The following CTIF variants were observed in gnomAD, a reference collection of about 807,000 sequenced individuals.
CTIF encodes the protein CBP80/20-dependent translation initiation factor.
A neutral mutation model predicts 66.0 loss-of-function variants in CTIF; 21 were observed. The observed-to-expected ratio is 0.32, with a 90% CI of 0.23 to 0.46. CTIF has a LOEUF of 0.46. CTIF is among the 20% of genes least tolerant of loss of function. CTIF has a pLI of 1.00. For missense variants in CTIF, 739 were observed against 812.7 expected (o/e 0.91, Z 1.10); for synonymous variants, 345 against 326.4 (o/e 1.06, Z -0.62).
intron 10 of CTIF, among the ~76,000 whole-genome samples, chr18:48,839,302 T>C (rs1468058049): frequency 6.6e-6 from 1 of 151,860 alleles, no homozygotes; most frequent in Non-Finnish European, 1.5e-5. Flanking sequence ...CTCACCCCAC[T>C]CTCCTGGCTG....
At chr18:48,607,948 A>T (rs1486594354) in intron 1 of CTIF, among the ~76,000 whole-genome samples, 1 of 152,050 alleles carries the variant, frequency 6.6e-6, no homozygotes, top group Admixed American at 6.6e-5. Context: ...ACTATCATGT[A>T]TTATTTCACA....
intron 9 of CTIF, among the ~76,000 whole-genome samples, chr18:48,765,033 G>C (rs1420125690): frequency 6.6e-6 from 1 of 152,182 alleles, no homozygotes; most frequent in Non-Finnish European, 1.5e-5. Flanking sequence ...AGGAGACAGA[G>C]GTGGAGTGGG....
intron 9 of CTIF, among the ~76,000 whole-genome samples, chr18:48,780,954 G>A (rs932390312): frequency 6.6e-6 from 1 of 152,190 alleles, no homozygotes; most frequent in East Asian, 1.9e-4. Context: ...TAGCTGGCAT[G>A]ATTTTTCCTG....
At chr18:48,685,357 G>T (rs1468092118) in intron 6 of CTIF, among the ~76,000 whole-genome samples, 2 of 151,918 alleles carry the variant, frequency 1.3e-5, no homozygotes, top group Non-Finnish European at 2.9e-5. Flanking sequence ...TGAGTAGCTG[G>T]GATTACAGGC....
chr18:48,857,398 G>A (rs913788522), intron 10 of CTIF, among the ~76,000 whole-genome samples, 190 bp from the exon 11 acceptor site: 38 of 152,194 alleles, frequency 2.5e-4, no homozygotes, highest in African/African-American at 7.7e-4. Flanking sequence ...GAGAAATCAC[G>A]GCCACCCGGC....
chr18:48,679,379 G>A (rs1207514500), intron 6 of CTIF, among the ~76,000 whole-genome samples: 1 of 152,216 alleles, frequency 6.6e-6, no homozygotes, highest in African/African-American at 2.4e-5. Flanking sequence ...GTGGCCTCAT[G>A]AAGTGGTAGT....
At chr18:48,785,757 TG>T (rs1911646440) in intron 9 of CTIF, among the ~76,000 whole-genome samples, 1 of 152,200 alleles carries the variant, frequency 6.6e-6, no homozygotes, top group Non-Finnish European at 1.5e-5. Flanking sequence ...CAAATTTCTA[TG>T]GGGTACCTTG....
At chr18:48,827,532 G>C (rs1461518057) in intron 10 of CTIF, among the ~76,000 whole-genome samples, 2 of 152,132 alleles carry the variant, frequency 1.3e-5, no homozygotes, top group Non-Finnish European at 2.9e-5. Context: ...TGACTGTAAC[G>C]GTCAAACAAA....
intron 3 of CTIF, among the ~76,000 whole-genome samples, chr18:48,654,596 C>G (rs1175655787): frequency 2.0e-5 from 3 of 152,170 alleles, no homozygotes; most frequent in Non-Finnish European, 2.9e-5. Context: ...ACTAGAAATA[C>G]CATTTGACCC....
chr18:48,583,037 C>T (rs541238575), intron 1 of CTIF, among the ~76,000 whole-genome samples: 1 of 152,342 alleles, frequency 6.6e-6, no homozygotes, highest in South Asian at 2.1e-4. Flanking sequence ...CTCTCTGCCC[C>T]ATGTCTGCTG....
intron 10 of CTIF, among the ~76,000 whole-genome samples, chr18:48,821,916 T>C (rs1339335725): frequency 6.6e-6 from 1 of 152,262 alleles, no homozygotes; most frequent in Non-Finnish European, 1.5e-5. Flanking sequence ...CATAATGTTG[T>C]GCAGATCTCC....
chr18:48,667,908 A>G (rs2144961824), intron 5 of CTIF, among the ~76,000 whole-genome samples: 1 of 152,292 alleles, frequency 6.6e-6, no homozygotes, highest in East Asian at 1.9e-4. Context: ...TGTAGTGGGG[A>G]CACACTCCAT....
intron 1 of CTIF, among the ~76,000 whole-genome samples, chr18:48,617,175 C>T (rs2090414999): frequency 1.3e-5 from 2 of 152,126 alleles, no homozygotes; most frequent in Non-Finnish European, 2.9e-5. Flanking sequence ...AGTTGTTGAC[C>T]AGGGATTGCT....
intron 3 of CTIF, among the ~76,000 whole-genome samples, chr18:48,661,558 C>T (rs1244521098): frequency 2.6e-5 from 4 of 152,150 alleles, no homozygotes; most frequent in Non-Finnish European, 4.4e-5. Flanking sequence ...TCTAGCTGAC[C>T]TGGAGTTTCA....
At chr18:48,767,260 AG>A (rs1171923080) in intron 9 of CTIF, among the ~76,000 whole-genome samples, 1 of 152,170 alleles carries the variant, frequency 6.6e-6, no homozygotes, top group Non-Finnish European at 1.5e-5. Flanking sequence ...AGGGCGGTGA[AG>A]GGGCTCCAGT....
At chr18:48,760,212 G>A (rs1257024465) in intron 8 of CTIF, 6 of 146,948 alleles carry the variant, frequency 4.1e-5, no homozygotes, top group Non-Finnish European at 6.0e-5. Context: ...TTTTGAGATG[G>A]AGTCTCGCTC....
chr18:48,701,934 G>A (rs2092090127), intron 6 of CTIF, among the ~76,000 whole-genome samples: 1 of 152,128 alleles, frequency 6.6e-6, no homozygotes, highest in Admixed American at 6.5e-5. Flanking sequence ...TTTTTTGGTT[G>A]CAAGCGACAG....
chr18:48,818,456 C>T (rs1271215176), intron 10 of CTIF, among the ~76,000 whole-genome samples: 1 of 152,138 alleles, frequency 6.6e-6, no homozygotes, highest in Non-Finnish European at 1.5e-5. Flanking sequence ...GGATGAAAAG[C>T]AAGAGTCAGT....
chr18:48,739,827 T>C (rs569452206), intron 7 of CTIF, among the ~76,000 whole-genome samples: 1 of 152,284 alleles, frequency 6.6e-6, no homozygotes, highest in South Asian at 2.1e-4. Flanking sequence ...TGCTGGTAGT[T>C]GGAATATTTA....
Sources: gnomAD v4.1 joint callset for allele counts (sites outside exome capture counted in the v4.1 genomes callset) on GRCh38, gnomAD v4.1.1 for gene constraint, MANE v1.5 for transcripts, NCBI Gene and HGNC (gene_info 2026-07-23, HGNC 2026-07-21) for gene names.